The following NALF1 variants were observed in gnomAD, a reference collection of about 807,000 sequenced individuals.
NALF1 encodes the protein NALCN channel auxiliary factor 1, also known as family with sequence similarity 155 member A.
Under a neutral mutation model 48.4 loss-of-function variants are expected in NALF1, and 3 were observed. The observed-to-expected ratio is 0.06, with a 90% CI of 0.03 to 0.16. NALF1 has a LOEUF of 0.16. NALF1 is among the 10% of genes least tolerant of loss of function. The pLI is 1.00. For synonymous variants in NALF1, 262 were observed against 245.7 expected, an observed-to-expected ratio of 1.07 and a Z score of -0.62; for missense variants, 526 against 571.5, an observed-to-expected ratio of 0.92 and a Z score of 0.81.
At chr13:107,813,474 T>C (rs1038477046) in intron 1 of NALF1, among the ~76,000 whole-genome samples, 2 of 152,168 alleles carry the variant, frequency 1.3e-5, no homozygotes, top group Non-Finnish European at 1.5e-5. Flanking sequence ...TCAAACTTGT[T>C]TTGTTTATTT....
intron 1 of NALF1, among the ~76,000 whole-genome samples, chr13:107,654,835 T>G (rs1226085620): frequency 6.6e-6 from 1 of 152,122 alleles, no homozygotes; most frequent in Non-Finnish European, 1.5e-5. Context: ...GCTGCAGGAA[T>G]GGTTTAACAC....
At chr13:107,211,264 G>C (rs1223838439) in intron 1 of NALF1, among the ~76,000 whole-genome samples, 1 of 152,114 alleles carries the variant, frequency 6.6e-6, no homozygotes, top group Non-Finnish European at 1.5e-5. Context: ...GACTTTGAGA[G>C]GCAGAGAACA....
At chr13:107,510,190 A>T (rs1449718094) in intron 1 of NALF1, among the ~76,000 whole-genome samples, 1 of 152,138 alleles carries the variant, frequency 6.6e-6, no homozygotes, top group Admixed American at 6.5e-5. Flanking sequence ...GTTTGTGATG[A>T]TCATATTGCT....
intron 1 of NALF1, among the ~76,000 whole-genome samples, chr13:107,274,944 A>G (rs914013417): frequency 2.0e-5 from 3 of 152,188 alleles, no homozygotes; most frequent in Non-Finnish European, 2.9e-5. Flanking sequence ...GCACAATACT[A>G]CTTCATGACT....
At chr13:107,507,382 A>T (rs1447801624) in intron 1 of NALF1, among the ~76,000 whole-genome samples, 1 of 152,040 alleles carries the variant, frequency 6.6e-6, no homozygotes, top group East Asian at 1.9e-4. Flanking sequence ...GTTTCTAACT[A>T]GCCCAGAGGA....
intron 1 of NALF1, among the ~76,000 whole-genome samples, chr13:107,816,767 C>T (rs1040234762): frequency 3.3e-5 from 5 of 152,008 alleles, no homozygotes; most frequent in African/African-American, 9.7e-5. Flanking sequence ...TTAAATTAAA[C>T]GTACAACAGA....
chr13:107,493,077 T>C (rs1227373121), intron 1 of NALF1, among the ~76,000 whole-genome samples: 1 of 152,178 alleles, frequency 6.6e-6, no homozygotes, highest in East Asian at 1.9e-4. Flanking sequence ...TTATTACAGC[T>C]TGATGGCTTT....
At chr13:107,537,148 G>A (rs1329028793) in intron 1 of NALF1, among the ~76,000 whole-genome samples, 1 of 152,070 alleles carries the variant, frequency 6.6e-6, no homozygotes, top group Admixed American at 6.6e-5. Context: ...GTTAATGGGT[G>A]CAGCACACCA....
chr13:107,820,689 T>A (rs1206793729), intron 1 of NALF1, among the ~76,000 whole-genome samples: 12 of 152,206 alleles, frequency 7.9e-5, no homozygotes, highest in African/African-American at 2.4e-4. Context: ...CACATTTTAA[T>A]GAAAAATACA....
At chr13:107,178,872 G>A (rs1407937499) in intron 2 of NALF1, among the ~76,000 whole-genome samples, 3 of 151,982 alleles carry the variant, frequency 2.0e-5, no homozygotes, top group African/African-American at 7.3e-5. Context: ...GTGAACCCAG[G>A]AGGCGGAGCT....
At chr13:107,588,812 C>T (rs540928746) in intron 1 of NALF1, among the ~76,000 whole-genome samples, 9 of 151,296 alleles carry the variant, frequency 5.9e-5, no homozygotes, top group South Asian at 2.1e-4. Context: ...TGAATAAATG[C>T]GGGGGAAAAA....
chr13:107,851,265 G>A (rs1043192293), intron 1 of NALF1, among the ~76,000 whole-genome samples: 6 of 151,852 alleles, frequency 4.0e-5, no homozygotes. Flanking sequence ...GACATATTTT[G>A]CTAACAGCTT....
At chr13:107,343,859 C>A (rs1882726180) in intron 1 of NALF1, among the ~76,000 whole-genome samples, 1 of 150,786 alleles carries the variant, frequency 6.6e-6, no homozygotes, top group Non-Finnish European at 1.5e-5. Context: ...AAAATTAGAC[C>A]AGAAATCAAC....
intron 1 of NALF1, among the ~76,000 whole-genome samples, chr13:107,742,879 G>A (rs118013055): frequency 0.015 from 2,334 of 152,308 alleles, 32 homozygotes; most frequent in Middle Eastern, 0.044. Context: ...ATGACACCAT[G>A]CTAAGAATTG....
chr13:107,195,238 A>G (rs749845116), intron 2 of NALF1, among the ~76,000 whole-genome samples: 2 of 152,202 alleles, frequency 1.3e-5, no homozygotes, highest in Non-Finnish European at 2.9e-5. Flanking sequence ...GAACTTATCC[A>G]TGTAACCAAA....
At chr13:107,718,350 T>G (rs922119550) in intron 1 of NALF1, among the ~76,000 whole-genome samples, 4 of 152,196 alleles carry the variant, frequency 2.6e-5, no homozygotes, top group Non-Finnish European at 5.9e-5. Context: ...AGTCAGCAAC[T>G]GCACCAAACC....
intron 1 of NALF1, among the ~76,000 whole-genome samples, chr13:107,572,599 G>A (rs1028452237): frequency 2.8e-4 from 42 of 152,120 alleles, no homozygotes; most frequent in Admixed American, 2.4e-3. Context: ...AGGAGAACTC[G>A]TCACATTGCA....
Position 107,735,245 on chromosome 13 carries a change from T to C in NALF1, c.915+130437A>G, listed in dbSNP as rs541203232. 5.9e-5 allele frequency among the ~76,000 whole-genome samples: 9 copies of C among 152,310 alleles called. No individual in the cohort carries two copies. The East Asian group carries it at 1.3e-3, about 23-fold the overall frequency. On this transcript the variant is annotated intron_variant, in intron 1 of 2. Transcript: ENST00000375915. ...GTTTTGTTAAGTTGTACTCCACATA[T>C]GACAACTAAACCTGGGTAGTAAAGG...
At chr13:107,577,111 A>G (rs1408742546) in intron 1 of NALF1, among the ~76,000 whole-genome samples, 1 of 152,200 alleles carries the variant, frequency 6.6e-6, no homozygotes, top group African/African-American at 2.4e-5. Context: ...TGGCTCCAGA[A>G]AGATATTTTG....
Sources: allele counts gnomAD v4.1 joint callset (sites outside exome capture counted in the v4.1 genomes callset), GRCh38; gene constraint gnomAD v4.1.1; transcripts MANE v1.5; gene names NCBI Gene and HGNC (gene_info 2026-07-23, HGNC 2026-07-21).